EFEMP1: variants seen among roughly 807,000 people sequenced by gnomAD.
EFEMP1 encodes the protein EGF-containing fibulin-like extracellular matrix protein 1.
In EFEMP1, 18 loss-of-function variants were observed where a neutral mutation model predicts 65.7. The ratio of observed to expected loss-of-function variants is 0.27; its 90% CI spans 0.19 to 0.41. The LOEUF is 0.41. Ranked by LOEUF, EFEMP1 falls within the 10% of genes least tolerant of loss-of-function variation. EFEMP1 has a pLI of 1.00. For synonymous variants in EFEMP1, 237 were observed against 219.7 expected, an observed-to-expected ratio of 1.08 and a Z score of -0.70; for missense variants, 469 against 624.8, an observed-to-expected ratio of 0.75 and a Z score of 2.66.
At chr2:55,918,447 A>G (rs545652353) in intron 3 of EFEMP1, among the ~76,000 whole-genome samples, 180 bp from the exon 4 acceptor site, 5 of 152,188 alleles carry the variant, frequency 3.3e-5, no homozygotes, top group Non-Finnish European at 5.9e-5. Flanking sequence ...AAGTCTGTGC[A>G]TTGGACAGCT....
Position 55,921,237 on chromosome 2 carries a change from G to T in EFEMP1, c.81+1123C>A, listed in dbSNP as rs1000593188. Among the ~76,000 whole-genome samples the T allele has an allele frequency of 2.6e-5, 4 of 152,176 alleles. No homozygotes were observed. The East Asian group carries it at 7.7e-4, about 29-fold the overall frequency. ...ATTTTTCTTGCTTAATTTATCTTCA[G>T]CAGAGGAAGCAACTGCATTTAACAT... is the stretch of plus-strand genomic sequence containing the variant. On this transcript the variant is annotated intron_variant, in intron 3 of 11. Coordinates refer to ENST00000355426, the MANE Select transcript of EFEMP1 (RefSeq NM_001039348.3). The surrounding 1 kb of genome is among the most constrained non-coding windows in gnomAD (Gnocchi z 4.1).
rs1412630398 is a variant in EFEMP1 at position 55,866,218 on chromosome 2, G to C, written c.*855C>G. ...AGTGTTAGGATTTAAATTTTACTTA[G>C]AAATTAAAACTTCTCCAGTGAAATA... On this transcript the variant is annotated 3_prime_UTR_variant, in exon 12 of 12. Transcript: ENST00000355426. The C allele has an allele frequency of 6.6e-6, 1 of 152,108 alleles. No individual in the cohort carries two copies. Among genetic ancestry groups the C allele is most frequent in the Non-Finnish European group, 1.5e-5 (1 of 68,024 alleles). The allele number at this position is 152,108 out of a possible 1,614,324, so 9.4% of individuals were successfully genotyped here.
intron 5 of EFEMP1, among the ~76,000 whole-genome samples, chr2:55,882,476 G>C (rs1669275398): frequency 6.6e-6 from 1 of 152,048 alleles, no homozygotes; most frequent in Non-Finnish European, 1.5e-5. Context: ...TACAGTTCTA[G>C]AAAAGTAAAA....
chr2:55,876,531 C>A, intron 8 of EFEMP1, 92 bp downstream of exon 8: 3 of 1,539,654 alleles, frequency 1.9e-6, no homozygotes, highest in Non-Finnish European at 2.7e-6. Context: ...CATGGGTAAG[C>A]GTTTGTTTTC....
chr2:55,902,485 A>G lies in EFEMP1; in HGVS notation c.517+15180T>C, dbSNP rs1265571578. ...TGGGGTTATATTAATATATGCAAAA[A>G]GTTTATTTCCTGCGCACCAAAATAA... On this transcript the variant is annotated intron_variant, in intron 5 of 11. Transcript: ENST00000355426. Among the ~76,000 whole-genome samples the G allele has an allele frequency of 2.6e-5, 4 of 152,224 alleles. No homozygotes were observed. The South Asian group carries it at 6.2e-4, about 24-fold the overall frequency.
chr2:55,917,709 T>C lies in EFEMP1; in HGVS notation c.473A>G (p.Gln158Arg), dbSNP rs766748201. 4.3e-6 allele frequency: 7 copies of C among 1,614,202 alleles called. No homozygotes were observed. The East Asian group carries it at 1.1e-4, about 26-fold the overall frequency. ...ACTTTGCTCGTAGCCTGCTGCACACTGGATACGGTGGGAAGGGTTGGAGGG... is the reference window on the plus strand; with the variant it reads ...ACTTTGCTCGTAGCCTGCTGCACACCGGATACGGTGGGAAGGGTTGGAGGG... ...RIPSNPSHRI[Q>R]CAAGYEQSEH... The change falls in exon 5 of 12, where the codon CAG becomes CGG. Residue 158 changes from glutamine to arginine, a missense_variant. This residue lies in a region of EFEMP1 where 399 missense variants were observed against 528.2 expected (regional missense o/e 0.76). Coordinates refer to ENST00000355426, the MANE Select transcript of EFEMP1 (RefSeq NM_001039348.3). The surrounding 1 kb of genome is among the most constrained non-coding windows in gnomAD (Gnocchi z 6.3).
At chr2:55,881,307 T>C (rs1669230472) in intron 6 of EFEMP1, among the ~76,000 whole-genome samples, 1 of 152,218 alleles carries the variant, frequency 6.6e-6, no homozygotes, top group Non-Finnish European at 1.5e-5. Context: ...ACCAGTGTGT[T>C]AGCGCGATGG....
intron 5 of EFEMP1, among the ~76,000 whole-genome samples, chr2:55,911,538 G>A (rs547488108): frequency 6.6e-6 from 1 of 151,910 alleles, no homozygotes; most frequent in Non-Finnish European, 1.5e-5. Flanking sequence ...AACAATATAT[G>A]TTATATAATA....
Position 55,867,256 on chromosome 2 carries a change from A to AT in EFEMP1, c.1321-23_1321-22insA. 2 of 1,611,594 alleles carry AT rather than the reference A, an allele frequency of 1.2e-6. No individual in the cohort carries two copies. Among genetic ancestry groups the AT allele is most frequent in the South Asian group, 2.2e-5 (2 of 90,854 alleles). On this transcript the variant is annotated intron_variant, in intron 11 of 11. Transcript: ENST00000355426. The surrounding 1 kb of genome is among the most constrained non-coding windows in gnomAD (Gnocchi z 4.3). The stretch of plus-strand genomic sequence containing the variant: ...TTTGCTAAAATAAAAGAAAATAGAG[A>AT]AAGGAAGAGAATAATTTTCTTGGAT...
At chr2:55,907,156 T>G (rs1299230235) in intron 5 of EFEMP1, among the ~76,000 whole-genome samples, 1 of 152,254 alleles carries the variant, frequency 6.6e-6, no homozygotes, top group Non-Finnish European at 1.5e-5. Flanking sequence ...GAAACCTCTC[T>G]CTGCATTCAG....
chr2:55,920,959 A>T (rs981468276), intron 3 of EFEMP1, among the ~76,000 whole-genome samples: 1 of 152,222 alleles, frequency 6.6e-6, no homozygotes, highest in African/African-American at 2.4e-5. Flanking sequence ...TTACAATAAT[A>T]ATGAACCCTA....
chr2:55,872,840 AG>A (rs934394421), intron 9 of EFEMP1, among the ~76,000 whole-genome samples: 1 of 152,084 alleles, frequency 6.6e-6, no homozygotes, highest in African/African-American at 2.4e-5. Flanking sequence ...TGAAGAATAA[AG>A]ATGCTGTTTA....
chr2:55,917,855 G>T lies in EFEMP1; in HGVS notation c.327C>A (p.Thr109=), dbSNP rs1357881544. 1 of 1,614,226 alleles carries T rather than the reference G, an allele frequency of 6.2e-7. No individual in the cohort carries two copies. The highest frequency in any genetic ancestry group is 8.5e-7 in the Non-Finnish European group (1 of 1,180,038). ...AACCACCCCCGGGCAACACTCCACT[G>T]GTTGCCATGCTGCTGGCAGCTACAA... The part of the protein sequence containing the change: ...TGVVAASSMA[T]SGVLPGGGFV... The change falls in exon 5 of 12, where the codon ACC becomes ACA. Residue 109 remains threonine, a synonymous_variant. Coordinates refer to ENST00000355426, the MANE Select transcript of EFEMP1 (RefSeq NM_001039348.3). The surrounding 1 kb of genome is among the most constrained non-coding windows in gnomAD (Gnocchi z 6.3).
intron 5 of EFEMP1, among the ~76,000 whole-genome samples, chr2:55,907,713 G>T (rs1173459884): frequency 6.6e-6 from 1 of 152,190 alleles, no homozygotes; most frequent in African/African-American, 2.4e-5. Context: ...GACTTGGTCT[G>T]CAAGGTGGGC....
At chr2:55,918,339 T>G in intron 3 of EFEMP1, 72 bp from the exon 4 acceptor site, 1 of 1,544,916 alleles carries the variant, frequency 6.5e-7, no homozygotes, top group Non-Finnish European at 9.0e-7. Context: ...GAAATCACTC[T>G]AAAAGCTTCA....
chr2:55,923,684 G>T lies in EFEMP1; in HGVS notation c.-49+27C>A. ...GCCCAGTGAGTACTGGGCTCGCTCG[G>T]GGCGACCCCCCGTTGGGGGCTCCTA... On this transcript the variant is annotated intron_variant, in intron 1 of 11. Coordinates refer to ENST00000355426, the MANE Select transcript of EFEMP1 (RefSeq NM_001039348.3). This position sits in a 1 kb window ranked among gnomAD's most constrained non-coding sequence, Gnocchi z 5.3. 2 of 985,798 alleles carry T rather than the reference G, an allele frequency of 2.0e-6. No homozygotes were observed. The highest frequency in any genetic ancestry group is 2.4e-6 in the Non-Finnish European group (2 of 830,330). The allele number at this position is 985,798 out of a possible 1,614,324, so 61.1% of individuals were successfully genotyped here.
intron 8 of EFEMP1, among the ~76,000 whole-genome samples, chr2:55,875,335 T>TAC (rs768780443): frequency 0.27 from 33,694 of 125,204 alleles, 4,250 homozygotes; most frequent in Admixed American, 0.35. Flanking sequence ...GTTTCATATA[T>TAC]ACACACACAC....
Position 55,917,755 on chromosome 2 carries a change from G to A in EFEMP1, c.427C>T (p.Pro143Ser). The A allele has an allele frequency of 6.2e-7, 1 of 1,614,172 alleles. No individual in the cohort carries two copies. Among genetic ancestry groups the A allele is most frequent in the Non-Finnish European group, 8.5e-7 (1 of 1,180,020 alleles). Reference protein sequence around the residue: ...GRNNFVIRRNPADPQRIPSNP... With the variant: ...GRNNFVIRRNSADPQRIPSNP... The stretch of plus-strand genomic sequence containing the variant: ...GAGGGAATGCGCTGAGGGTCAGCTG[G>A]GTTCCGCCGGATGACAAAGTTATTT... The change falls in exon 5 of 12, where the codon CCA becomes TCA. Residue 143 changes from proline (P) to serine (S), a missense_variant. By Grantham distance (74) the Pro-to-Ser change is moderately conservative (BLOSUM62 -1). Coordinates refer to ENST00000355426, the MANE Select transcript of EFEMP1 (RefSeq NM_001039348.3). This position sits in a 1 kb window ranked among gnomAD's most constrained non-coding sequence, Gnocchi z 6.3.
chr2:55,881,760 G>C, intron 5 of EFEMP1, 26 bp from the exon 6 acceptor site: 1 of 1,613,850 alleles, frequency 6.2e-7, no homozygotes, highest in Non-Finnish European at 8.5e-7. Context: ...AACACAGAAA[G>C]AATTGTCAGT....
Sources: allele counts gnomAD v4.1 joint callset (sites outside exome capture counted in the v4.1 genomes callset), GRCh38; gene constraint gnomAD v4.1.1; regional missense constraint gnomAD v4.1.1; non-coding constraint Gnocchi (gnomAD v3.1); transcripts MANE v1.5; gene names NCBI Gene and HGNC (gene_info 2026-07-23, HGNC 2026-07-21).